Variants in CTNNA3 observed in about 807,000 individuals in gnomAD.
The protein encoded by CTNNA3 is catenin alpha-3.
A neutral mutation model predicts 95.7 loss-of-function variants in CTNNA3; 76 were observed. The observed-to-expected ratio is 0.79, with a 90% CI of 0.66 to 0.96. The LOEUF (loss-of-function observed/expected upper bound fraction) is 0.96, where lower values mean the gene tolerates loss of function less well. Ranked by LOEUF, CTNNA3 falls within the 40% of genes least tolerant of loss-of-function variation. CTNNA3 has a pLI of 0.00. For synonymous variants in CTNNA3, 431 were observed against 374.4 expected (o/e 1.15, Z -1.74); for missense variants, 1,191 against 1,089.8 (o/e 1.09, Z -1.31).
At chr10:66,128,806 T>C (rs765026614) in intron 13 of CTNNA3, among the ~76,000 whole-genome samples, 13 of 152,152 alleles carry the variant, frequency 8.5e-5, no homozygotes, top group Non-Finnish European at 1.9e-4. Flanking sequence ...CAATGTAGGT[T>C]CACCAATTGA....
intron 12 of CTNNA3, among the ~76,000 whole-genome samples, chr10:66,343,387 T>C (rs1338665407): frequency 6.6e-6 from 1 of 152,040 alleles, no homozygotes; most frequent in Non-Finnish European, 1.5e-5. Context: ...TGGAATACTA[T>C]TTAGCCATAA....
At chr10:67,721,437 C>A (rs1157469600) in intron 1 of CTNNA3, among the ~76,000 whole-genome samples, 1 of 152,028 alleles carries the variant, frequency 6.6e-6, no homozygotes, top group Non-Finnish European at 1.5e-5. Flanking sequence ...CTTTCTTCCA[C>A]TTGATTGATT....
At chr10:65,967,001 G>C (rs992581620) in intron 16 of CTNNA3, among the ~76,000 whole-genome samples, 1 of 152,100 alleles carries the variant, frequency 6.6e-6, no homozygotes, top group African/African-American at 2.4e-5. Context: ...CTGTTGCCCA[G>C]GCTGGAGTGC....
chr10:67,093,317 C>G (rs7093905), intron 7 of CTNNA3, among the ~76,000 whole-genome samples: 86,105 of 151,634 alleles, frequency 0.57, 26,211 homozygotes, highest in African/African-American at 0.8. Flanking sequence ...TTTGGGTAAC[C>G]TTCAGGTAGG....
intron 5 of CTNNA3, among the ~76,000 whole-genome samples, chr10:67,470,914 G>A (rs1847793710): frequency 6.6e-6 from 1 of 152,132 alleles, no homozygotes; most frequent in Non-Finnish European, 1.5e-5. Context: ...CTGAGTAGCT[G>A]AGACTACAGG....
intron 1 of CTNNA3, among the ~76,000 whole-genome samples, chr10:67,729,979 G>GA (rs1321762306): frequency 1.3e-5 from 2 of 151,820 alleles, no homozygotes; most frequent in Non-Finnish European, 2.9e-5. Context: ...CTGTACAAAA[G>GA]AAAAAAATGT....
rs534684135 is a variant in CTNNA3, at chr10:66,382,928, G to A, written c.1532-3576C>T. On this transcript the variant is annotated intron_variant, in intron 11 of 17. Transcript: ENST00000433211. ...ACAAAAAGATCATCTACACCAAAAC[G>A]CCATCTGTAGGTCACCAACATCAAA... is the stretch of plus-strand genomic sequence containing the variant. Among the ~76,000 whole-genome samples, 18 of 152,124 alleles carry A rather than the reference G, an allele frequency of 1.2e-4. No homozygotes were observed. The South Asian group carries it at 3.1e-3, about 26-fold the overall frequency.
chr10:66,867,910 T>A lies in CTNNA3; in HGVS notation c.1048-92386A>T, dbSNP rs973085798. Among the ~76,000 whole-genome samples the A allele has an allele frequency of 3.4e-4, 50 of 146,186 alleles. 1 individual carries two copies. Among genetic ancestry groups the A allele is most frequent in the African/African-American group, 1.2e-3 (46 of 39,214 alleles). On this transcript the variant is annotated intron_variant, in intron 7 of 17. Coordinates refer to ENST00000433211, the MANE Select transcript of CTNNA3 (RefSeq NM_013266.4). ...AAGGCACTACCAAAAAAAAAAAAAA[T>A]TAACTTAGTAGGAAGAATTGCAAAA...
At chr10:66,004,574 T>G (rs557629640) in intron 15 of CTNNA3, among the ~76,000 whole-genome samples, 129 of 152,284 alleles carry the variant, frequency 8.5e-4, no homozygotes, top group African/African-American at 3.1e-3. Context: ...GCTGAGAAAC[T>G]TTACCCTAGT....
At chr10:67,274,070 T>G (rs1173062011) in intron 5 of CTNNA3, among the ~76,000 whole-genome samples, 1 of 152,108 alleles carries the variant, frequency 6.6e-6, no homozygotes, top group Admixed American at 6.6e-5. Context: ...ACAAAAACAT[T>G]GGAAAATAAC....
At chr10:66,437,821 C>A (rs1249335562) in intron 11 of CTNNA3, among the ~76,000 whole-genome samples, 2 of 152,130 alleles carry the variant, frequency 1.3e-5, no homozygotes, top group African/African-American at 4.8e-5. Context: ...GCTTTTTCCT[C>A]ATCTTTGTGG....
intron 7 of CTNNA3, among the ~76,000 whole-genome samples, chr10:67,144,442 C>T (rs1860747265): frequency 6.6e-6 from 1 of 151,924 alleles, no homozygotes; most frequent in Admixed American, 6.5e-5. Context: ...TAGATGACAT[C>T]TTCTTCCAAC....
chr10:66,674,271 T>A (rs557989812), intron 9 of CTNNA3, among the ~76,000 whole-genome samples: 2 of 152,086 alleles, frequency 1.3e-5, no homozygotes, highest in South Asian at 4.2e-4. Context: ...CTAGTAAGGG[T>A]TTTTATTTGC....
At chr10:67,632,126 C>CCACACACACACACACACA (rs71006156) in intron 2 of CTNNA3, among the ~76,000 whole-genome samples, 2 of 138,964 alleles carry the variant, frequency 1.4e-5, no homozygotes, top group Non-Finnish European at 3.1e-5. Flanking sequence ...AGTGTCTTAG[C>CCACACACACACACACACA]CACACACACA....
chr10:67,263,320 A>T (rs1866689028), intron 5 of CTNNA3, among the ~76,000 whole-genome samples: 1 of 152,150 alleles, frequency 6.6e-6, no homozygotes, highest in Non-Finnish European at 1.5e-5. Context: ...TTATTACGGC[A>T]TCATAAACAT....
At chr10:66,688,843 G>A (rs532576876) in intron 9 of CTNNA3, among the ~76,000 whole-genome samples, 55 of 151,418 alleles carry the variant, frequency 3.6e-4, no homozygotes, top group Admixed American at 2.5e-3. Context: ...GCGTGGTGGC[G>A]GGCGCCTGTA....
At chr10:66,319,142 T>C (rs1254523884) in intron 12 of CTNNA3, among the ~76,000 whole-genome samples, 1 of 151,970 alleles carries the variant, frequency 6.6e-6, no homozygotes, top group African/African-American at 2.4e-5. Flanking sequence ...CAACTATAAA[T>C]GGGAATAATA....
At chr10:67,142,380 T>C (rs571775133) in intron 7 of CTNNA3, among the ~76,000 whole-genome samples, 1 of 152,220 alleles carries the variant, frequency 6.6e-6, no homozygotes, top group African/African-American at 2.4e-5. Context: ...ACATGAAAAA[T>C]ACATGTGTGT....
chr10:67,385,196 G>C (rs528936691), intron 5 of CTNNA3, among the ~76,000 whole-genome samples: 1 of 152,326 alleles, frequency 6.6e-6, no homozygotes, highest in South Asian at 2.1e-4. Flanking sequence ...GAGATGGCTT[G>C]CTTTATGCAG....
Sources: gnomAD v4.1 joint callset for allele counts (sites outside exome capture counted in the v4.1 genomes callset) on GRCh38, gnomAD v4.1.1 for gene constraint, MANE v1.5 for transcripts, NCBI Gene and HGNC (gene_info 2026-07-23, HGNC 2026-07-21) for gene names.